The following ARSB variants were observed in gnomAD, a reference collection of about 807,000 sequenced individuals.
ARSB encodes N-acetylgalactosamine-4-sulfatase.
ARSB carries 41 observed loss-of-function variants against 50.9 expected under a neutral mutation model. The ratio of observed to expected loss-of-function variants is 0.81; its 90% CI spans 0.63 to 1.04. The LOEUF is 1.04. ARSB is among the 50% of genes least tolerant of loss of function. The probability of loss-of-function intolerance (pLI) is 0.00; values close to 1 mark genes in which losing one functional copy is unlikely to be tolerated. For missense variants in ARSB, 672 were observed against 693.3 expected (o/e 0.97, Z 0.35); for synonymous variants, 269 against 284.8 (o/e 0.94, Z 0.56).
chr5:78,834,595 GTA>G (rs1322159863), intron 6 of ARSB, among the ~76,000 whole-genome samples: 4 of 80,130 alleles, frequency 5.0e-5, no homozygotes, highest in Admixed American at 1.5e-4. Context: ...CTATTTCATG[GTA>G]TATATATGTG....
At chr5:78,956,448 G>A (rs1751732354) in intron 3 of ARSB, among the ~76,000 whole-genome samples, 3 of 151,906 alleles carry the variant, frequency 2.0e-5, no homozygotes, top group Admixed American at 2.0e-4. Flanking sequence ...CTTAGATTGT[G>A]GTATGGTTGC....
intron 4 of ARSB, among the ~76,000 whole-genome samples, chr5:78,907,544 G>A (rs921505444): frequency 2.0e-5 from 3 of 152,108 alleles, no homozygotes; most frequent in Non-Finnish European, 2.9e-5. Context: ...TAAAGCACTC[G>A]GTAGTTTATT....
chr5:78,985,387 G>C, upstream of ARSB: 1 of 854,302 alleles, frequency 1.2e-6, no homozygotes, highest in Non-Finnish European at 1.5e-6. Flanking sequence ...TTGCGAGGCC[G>C]GGCGCTCGGC....
chr5:78,880,881 A>T (rs973952792), intron 5 of ARSB, among the ~76,000 whole-genome samples: 1 of 152,184 alleles, frequency 6.6e-6, no homozygotes, highest in Non-Finnish European at 1.5e-5. Flanking sequence ...TGCAAAAAAC[A>T]TTACTCCTCT....
intron 6 of ARSB, among the ~76,000 whole-genome samples, chr5:78,836,261 G>A (rs1485180452): frequency 6.6e-6 from 1 of 152,210 alleles, no homozygotes; most frequent in Non-Finnish European, 1.5e-5. Context: ...TGAGGAGGTG[G>A]GTGGCACCTT....
At chr5:78,937,272 A>G (rs901277821) in intron 4 of ARSB, among the ~76,000 whole-genome samples, 5 of 142,972 alleles carry the variant, frequency 3.5e-5, no homozygotes, top group African/African-American at 1.1e-4. Flanking sequence ...TATATCTTAC[A>G]TATATATGTA....
At position 78,780,610 on chromosome 5, in the gene ARSB, G is replaced by A. The variant is rs774111900; in HGVS notation, c.1389C>T (p.Pro463=). 23 of 1,614,018 alleles carry A rather than the reference G, an allele frequency of 1.4e-5. No individual in the cohort carries two copies. Among genetic ancestry groups the A allele is most frequent in the Non-Finnish European group, 1.7e-5 (20 of 1,180,012 alleles). ...PPSQYNVSEI[P]SSDPPTKTLW... ...GGGTCTTGGTTGGTGGGTCTGATGA[G>A]GGTATCTCAGAAACATTGTATTGAG... Residue 463 remains proline, a synonymous_variant, in exon 8 of 8, where the codon CCC becomes CCT. Coordinates refer to ENST00000264914, the MANE Select transcript of ARSB (RefSeq NM_000046.5).
At chr5:78,894,146 G>C (rs1377825632) in intron 4 of ARSB, among the ~76,000 whole-genome samples, 3 of 152,198 alleles carry the variant, frequency 2.0e-5, no homozygotes, top group African/African-American at 7.2e-5. Flanking sequence ...GCAAGTTCAA[G>C]GGCAGCAGGA....
At chr5:78,836,958 T>G (rs770233379) in intron 6 of ARSB, among the ~76,000 whole-genome samples, 1 of 152,002 alleles carries the variant, frequency 6.6e-6, no homozygotes, top group Non-Finnish European at 1.5e-5. Flanking sequence ...GCCACACACT[T>G]TCAAACAACC....
intron 6 of ARSB, among the ~76,000 whole-genome samples, chr5:78,792,330 G>C (rs1742981341): frequency 6.7e-6 from 1 of 150,096 alleles, no homozygotes; most frequent in Admixed American, 6.7e-5. Context: ...AGCGAGCCGA[G>C]ATCGCATCAC....
chr5:78,839,695 T>C (rs145886818), intron 5 of ARSB, among the ~76,000 whole-genome samples: 452 of 152,262 alleles, frequency 3.0e-3, no homozygotes, highest in African/African-American at 0.01. Flanking sequence ...GAAATAAATA[T>C]TGTGGCCTTA....
chr5:78,939,044 A>G (rs1017800106), intron 4 of ARSB, among the ~76,000 whole-genome samples: 7 of 152,282 alleles, frequency 4.6e-5, no homozygotes, highest in Admixed American at 4.6e-4. Context: ...TCTCCGTCTC[A>G]TGTGTACTAT....
intron 1 of ARSB, among the ~76,000 whole-genome samples, chr5:78,983,076 T>G (rs1350145034): frequency 6.6e-6 from 1 of 152,162 alleles, no homozygotes; most frequent in African/African-American, 2.4e-5. Context: ...TGTTTTGAGA[T>G]GGAGTCTTGC....
chr5:78,941,171 A>C (rs543554992), intron 4 of ARSB, among the ~76,000 whole-genome samples: 3 of 151,480 alleles, frequency 2.0e-5, no homozygotes, highest in South Asian at 4.2e-4. Context: ...TTATCAGCTT[A>C]AGGAGATTTG....
At chr5:78,908,710 T>C (rs951222518) in intron 4 of ARSB, among the ~76,000 whole-genome samples, 1 of 149,698 alleles carries the variant, frequency 6.7e-6, no homozygotes, top group African/African-American at 2.5e-5. Context: ...ACACTTCATT[T>C]CTCTACAACA....
At chr5:78,822,531 C>A (rs189878289) in intron 6 of ARSB, among the ~76,000 whole-genome samples, 3 of 152,242 alleles carry the variant, frequency 2.0e-5, no homozygotes, top group Admixed American at 1.3e-4. Flanking sequence ...GTAATAGGTA[C>A]ACTGAATTGA....
At chr5:78,947,898 GA>G (rs1409856943) in intron 4 of ARSB, among the ~76,000 whole-genome samples, 1 of 152,138 alleles carries the variant, frequency 6.6e-6, no homozygotes, top group Admixed American at 6.5e-5. Flanking sequence ...TCCATCAACA[GA>G]TGCATGGATA....
intron 4 of ARSB, among the ~76,000 whole-genome samples, chr5:78,938,848 A>T (rs1421251470): frequency 6.6e-6 from 1 of 152,214 alleles, no homozygotes. Context: ...CTCTGCAATA[A>T]ATTGCTCTAT....
chr5:78,821,229 G>A (rs1197190861), intron 6 of ARSB, among the ~76,000 whole-genome samples: 4 of 152,126 alleles, frequency 2.6e-5, no homozygotes, highest in South Asian at 2.1e-4. Context: ...TCTGCCTCCC[G>A]GGTTCAAGCT....
Sources: gnomAD v4.1 joint callset for allele counts (sites outside exome capture counted in the v4.1 genomes callset) on GRCh38, gnomAD v4.1.1 for gene constraint, MANE v1.5 for transcripts, NCBI Gene and HGNC (gene_info 2026-07-23, HGNC 2026-07-21) for gene names.